The following PLEKHA6 variants were observed in gnomAD, a reference collection of about 807,000 sequenced individuals.
The protein encoded by PLEKHA6 is pleckstrin homology domain containing A6.
A neutral mutation model predicts 116.7 loss-of-function variants in PLEKHA6; 60 were observed. The ratio of observed to expected loss-of-function variants is 0.51; its 90% confidence interval spans 0.42 to 0.64. The LOEUF (loss-of-function observed/expected upper bound fraction) is 0.64, where lower values mean the gene tolerates loss of function less well. PLEKHA6 is among the 30% of genes least tolerant of loss of function. The pLI, the probability that PLEKHA6 is intolerant of heterozygous loss-of-function variation, is 0.00. For missense variants in PLEKHA6, 1,338 were observed against 1,422.7 expected (o/e 0.94, Z 0.96); for synonymous variants, 489 against 556.1 (o/e 0.88, Z 1.70).
intron 18 of PLEKHA6, 97 bp downstream of exon 18, chr1:204,230,316 C>T (rs1660984860): frequency 9.9e-7 from 1 of 1,012,444 alleles, no homozygotes. Context: ...CCTCTCCTTC[C>T]TCTCAAACCC....
In PLEKHA6 at chr1:204,222,048, C is replaced by CTCTCTCTCTCTT. The variant is rs1659701143; in HGVS notation, c.*739_*740insAAGAGAGAGAGA. ...TCTCTCTCTCTCTCTCTCTCTCTCT[C>CTCTCTCTCTCTT]TTTCTGTCTCTCTCTCTCTGCTACC... On this transcript the variant is annotated 3_prime_UTR_variant, in exon 23 of 23. Coordinates refer to ENST00000272203, the MANE Select transcript of PLEKHA6 (RefSeq NM_014935.5). The CTCTCTCTCTCTT allele has an allele frequency of 7.2e-6, 1 of 139,812 alleles. No individual in the cohort carries two copies. Among genetic ancestry groups the CTCTCTCTCTCTT allele is most frequent in the Non-Finnish European group, 1.6e-5 (1 of 63,394 alleles). The allele number at this position is 139,812 out of a possible 1,614,324, so 8.7% of individuals were successfully genotyped here. A position where few individuals can be genotyped will look rare whatever the true frequency, so the allele number is the denominator to read the frequency against.
intron 1 of PLEKHA6, among the ~76,000 whole-genome samples, chr1:204,286,147 G>C (rs1669153695): frequency 6.6e-6 from 1 of 152,202 alleles, no homozygotes; most frequent in African/African-American, 2.4e-5. Context: ...ATCACAAGAA[G>C]CAGGTGCCAG....
At position 204,223,251 on chromosome 1, in the gene PLEKHA6, C is replaced by T. The variant is rs940626634; in HGVS notation, c.*8+211G>A. The stretch of plus-strand genomic sequence containing the variant: ...CATTGGCATCACAACATCCAAGAAG[C>T]GGCCCTGCCAGCTGGCTCCAGCCCA... On this transcript the variant is annotated intron_variant, in intron 22 of 22. Transcript: ENST00000272203. This position sits in a 1 kb window ranked among gnomAD's most constrained non-coding sequence, Gnocchi z 4.8. 9.9e-5 allele frequency among the ~76,000 whole-genome samples: 15 copies of T among 152,082 alleles called. No individual in the cohort carries two copies. The highest frequency in any genetic ancestry group is 3.4e-4 in the African/African-American group (14 of 41,402).
chr1:204,250,509 T>C (rs1354376046), intron 10 of PLEKHA6, 37 bp downstream of exon 10: 1 of 1,468,602 alleles, frequency 6.8e-7, no homozygotes, highest in Non-Finnish European at 9.5e-7. Flanking sequence ...AGCAGGAGGC[T>C]GGAGTGGAGG....
At chr1:204,226,606 T>G (rs1284813035) in intron 21 of PLEKHA6, among the ~76,000 whole-genome samples, 1 of 152,152 alleles carries the variant, frequency 6.6e-6, no homozygotes, top group African/African-American at 2.4e-5. Context: ...GCCTTTTGGC[T>G]GCAGGATGGG....
intron 1 of PLEKHA6, among the ~76,000 whole-genome samples, chr1:204,294,056 C>T (rs4951062): frequency 0.37 from 56,274 of 152,072 alleles, 11,673 homozygotes; most frequent in Admixed American, 0.46. Context: ...AGAGAATGTC[C>T]TTGTTTTTAA....
chr1:204,301,631 G>T (rs1318279759), intron 1 of PLEKHA6: 1 of 205,242 alleles, frequency 4.9e-6, no homozygotes, highest in Non-Finnish European at 8.6e-6. Flanking sequence ...AGAGAGAAGG[G>T]GGGCTTGAGT....
intron 17 of PLEKHA6, among the ~76,000 whole-genome samples, chr1:204,231,358 A>T (rs6593997): frequency 1.3e-5 from 2 of 151,880 alleles, no homozygotes; most frequent in Non-Finnish European, 2.9e-5. Flanking sequence ...GTTATGCCTC[A>T]GTATCCCAGG....
chr1:204,249,183 C>T lies in PLEKHA6; in HGVS notation c.1674+1G>A. The T allele has an allele frequency of 6.2e-7, 1 of 1,611,570 alleles. No homozygotes were observed. On this transcript the variant is annotated splice_donor_variant, in intron 11 of 22. Transcript: ENST00000272203. LOFTEE classifies it high-confidence loss of function. ...GCTTAAAGCCACCCCCAGCTTCTCA[C>T]CTTCTCAGCTCGGAGCTGCTGCACC... is the stretch of plus-strand genomic sequence containing the variant.
chr1:204,297,154 A>G (rs1476145637), intron 1 of PLEKHA6: 1 of 980,706 alleles, frequency 1.0e-6, no homozygotes, highest in African/African-American at 1.8e-5. Context: ...ACTAACTAAC[A>G]TATCCTTCTT....
chr1:204,235,932 C>A (rs1386783131), intron 17 of PLEKHA6, among the ~76,000 whole-genome samples: 1 of 152,174 alleles, frequency 6.6e-6, no homozygotes, highest in Non-Finnish European at 1.5e-5. Flanking sequence ...AATGTTGATT[C>A]TCTTTGAGAG....
intron 3 of PLEKHA6, among the ~76,000 whole-genome samples, chr1:204,272,206 T>C (rs1667534147): frequency 6.6e-6 from 1 of 152,168 alleles, no homozygotes; most frequent in South Asian, 2.1e-4. Context: ...CTCTTTAATT[T>C]CCTAGACACC....
At chr1:204,264,789 C>T (rs1447741865) in intron 6 of PLEKHA6, among the ~76,000 whole-genome samples, 153 bp downstream of exon 6, 1 of 152,182 alleles carries the variant, frequency 6.6e-6, no homozygotes, top group Admixed American at 6.5e-5. Context: ...GGGGCCATTA[C>T]TACTCCTCCT....
intron 6 of PLEKHA6, 103 bp downstream of exon 6, chr1:204,264,839 G>A: frequency 1.2e-6 from 1 of 863,592 alleles, no homozygotes; most frequent in South Asian, 1.4e-5. Context: ...CCACCACCTG[G>A]GATTCCTTAG....
At chr1:204,330,632 T>C (rs1249385895) in intron 1 of PLEKHA6, among the ~76,000 whole-genome samples, 1 of 152,226 alleles carries the variant, frequency 6.6e-6, no homozygotes, top group Non-Finnish European at 1.5e-5. Context: ...CAGGCTGTTC[T>C]TCCCTTCCCA....
chr1:204,249,062 G>A, intron 11 of PLEKHA6, 92 bp from the exon 12 acceptor site: 1 of 1,496,074 alleles, frequency 6.7e-7, no homozygotes, highest in East Asian at 2.3e-5. Context: ...GGTTCAACAG[G>A]CAGCTGAGTG....
At chr1:204,225,130 G>GA (rs1176324567) in intron 21 of PLEKHA6, among the ~76,000 whole-genome samples, 2 of 152,168 alleles carry the variant, frequency 1.3e-5, no homozygotes, top group Non-Finnish European at 2.9e-5. Flanking sequence ...CGACTGAGGA[G>GA]AAAAAATATT....
Position 204,220,879 on chromosome 1 carries a change from T to TA in PLEKHA6, c.*1908dup, listed in dbSNP as rs921507783. The TA allele has an allele frequency of 1.1e-4, 16 of 151,818 alleles. No individual in the cohort carries two copies. The highest frequency in any genetic ancestry group is 3.9e-4 in the African/African-American group (16 of 41,286). 9.4% of individuals were successfully genotyped at this position (151,818 alleles called of 1,614,324 possible). On this transcript the variant is annotated 3_prime_UTR_variant, in exon 23 of 23. Coordinates refer to ENST00000272203, the MANE Select transcript of PLEKHA6 (RefSeq NM_014935.5). ...TTTCTTGGTATTTTACATGTATTTC[T>TA]AAAAAATATTACTTTAAAAAAAAAA...
At chr1:204,337,595 C>A (rs1044348306) in intron 1 of PLEKHA6, among the ~76,000 whole-genome samples, 2 of 152,130 alleles carry the variant, frequency 1.3e-5, no homozygotes, top group Non-Finnish European at 2.9e-5. Flanking sequence ...AAGGAGCAAA[C>A]AAAAGCAATT....
Sources: allele counts gnomAD v4.1 joint callset (sites outside exome capture counted in the v4.1 genomes callset), GRCh38; gene constraint gnomAD v4.1.1; non-coding constraint Gnocchi (gnomAD v3.1); transcripts MANE v1.5; gene names NCBI Gene and HGNC (gene_info 2026-07-23, HGNC 2026-07-21).